The following CHD8 variants were observed in gnomAD, a reference collection of about 807,000 sequenced individuals.
CHD8 encodes the protein ATP-dependent chromatin remodeler CHD8.
CHD8 carries 31 observed loss-of-function variants against 279.2 expected under a neutral mutation model. That is an observed-to-expected ratio of 0.11 (90% CI 0.08 to 0.15). CHD8 has a LOEUF of 0.15. Among genes scored for constraint, CHD8 ranks in the 10% least tolerant of loss-of-function variants. The pLI is 1.00. For missense variants in CHD8, 2,146 were observed against 3,230.5 expected (o/e 0.66, Z 8.14); for synonymous variants, 1,081 against 1,139.6 (o/e 0.95, Z 1.04).
At chr14:21,425,860 C>T (rs1403675537) in intron 5 of CHD8, 6 of 345,820 alleles carry the variant, frequency 1.7e-5, no homozygotes, top group East Asian at 9.8e-5. Context: ...CGTTTGAAAC[C>T]GGGAGGCAGA....
Position 21,385,484 on chromosome 14 carries a change from TTC to T in CHD8, c.*127_*128del. ...CAATCAGGTACATTTTTTTTTTTTT[TTC>T]CTTTTCACCTCCTGGAGTCCTGGAC... is the stretch of plus-strand genomic sequence containing the variant. On this transcript the variant is annotated 3_prime_UTR_variant, in exon 38 of 38. Coordinates refer to ENST00000646647, the MANE Select transcript of CHD8 (RefSeq NM_001170629.2). 11 of 1,385,960 alleles carry T rather than the reference TTC, an allele frequency of 7.9e-6. No individual in the cohort carries two copies. The highest frequency in any genetic ancestry group is 2.9e-5 in the Admixed American group (1 of 34,096). 85.9% of individuals were successfully genotyped at this position (1,385,960 alleles called of 1,614,324 possible).
intron 1 of CHD8, among the ~76,000 whole-genome samples, chr14:21,448,126 A>T (rs1890171405): frequency 6.6e-6 from 1 of 152,224 alleles, no homozygotes; most frequent in African/African-American, 2.4e-5. Context: ...CTTAATAACC[A>T]GAGGCTATAC....
intron 1 of CHD8, among the ~76,000 whole-genome samples, chr14:21,453,177 G>A (rs1890300561): frequency 6.6e-6 from 1 of 151,488 alleles, no homozygotes; most frequent in Non-Finnish European, 1.5e-5. Context: ...TCATTTGGGT[G>A]CTAGGTACCA....
intron 1 of CHD8, among the ~76,000 whole-genome samples, chr14:21,444,260 A>G (rs909192650): frequency 6.6e-6 from 1 of 152,216 alleles, no homozygotes; most frequent in African/African-American, 2.4e-5. Context: ...ATGTTGTTGG[A>G]TAAATTGGAA....
At position 21,428,827 on chromosome 14, in the gene CHD8, G is replaced by C. The variant is rs560144666; in HGVS notation, c.1215+137C>G. On this transcript the variant is annotated intron_variant, in intron 3 of 37. Transcript: ENST00000646647. ...TAAAATAAGGTTTCCATGAATGAAA[G>C]AATTAAGTCTGCACCTCAGTTCAGA... 9 of 700,706 alleles carry C rather than the reference G, an allele frequency of 1.3e-5. 1 individual carries two copies. The highest frequency in any genetic ancestry group is 1.1e-4 in the African/African-American group (6 of 55,538). 43.4% of individuals were successfully genotyped at this position (700,706 alleles called of 1,614,324 possible).
intron 10 of CHD8, among the ~76,000 whole-genome samples, chr14:21,410,491 G>A (rs561018625): frequency 6.6e-6 from 1 of 152,198 alleles, no homozygotes; most frequent in East Asian, 1.9e-4. Flanking sequence ...GTGAGCCCCA[G>A]GAAGCTAGGA....
intron 11 of CHD8, 149 bp downstream of exon 11, chr14:21,409,702 G>A (rs952589907): frequency 1.3e-5 from 8 of 617,804 alleles, no homozygotes; most frequent in Middle Eastern, 4.5e-4. Flanking sequence ...TAATTGTTAC[G>A]TGGGTGATGG....
intron 1 of CHD8, among the ~76,000 whole-genome samples, chr14:21,443,061 T>TA (rs1890023127): frequency 6.6e-6 from 1 of 152,162 alleles, no homozygotes; most frequent in Non-Finnish European, 1.5e-5. Flanking sequence ...AAATAACTAA[T>TA]TTTTTAAGAA....
intron 5 of CHD8, among the ~76,000 whole-genome samples, chr14:21,418,938 G>T (rs938112808): frequency 1.3e-5 from 2 of 152,252 alleles, no homozygotes; most frequent in African/African-American, 2.4e-5. Flanking sequence ...GACTACAAGG[G>T]AGTACAGGGG....
At chr14:21,437,166 C>A in intron 1 of CHD8, 1 of 1,118,944 alleles carries the variant, frequency 8.9e-7, no homozygotes, top group South Asian at 1.5e-5. Flanking sequence ...CTGTGCCTCA[C>A]CCCAGTGGAG....
rs1555313109 is a variant in CHD8, at chr14:21,392,972, T to TG, written c.6468+133dup. The TG allele has an allele frequency of 1.6e-3, 1,412 of 867,494 alleles. 8 individuals carry two copies. In the African/African-American group the frequency reaches 0.037, roughly 22 times the overall value. The allele number at this position is 867,494 out of a possible 1,614,324, so 53.7% of individuals were successfully genotyped here. A position where few individuals can be genotyped will look rare whatever the true frequency, so the allele number is the denominator to read the frequency against. Reference sequence around the variant, plus strand: ...TTCCTAAGTCAACTGGGAAGTTTCCTGGAAAAAAAAAAAAAAACTTGCAGC... The same window carrying TG: ...TTCCTAAGTCAACTGGGAAGTTTCCTGGGAAAAAAAAAAAAAAACTTGCAGC... On this transcript the variant is annotated intron_variant, in intron 33 of 37. Coordinates refer to ENST00000646647, the MANE Select transcript of CHD8 (RefSeq NM_001170629.2).
chr14:21,391,306 C>T (rs1470559802), intron 36 of CHD8, among the ~76,000 whole-genome samples, 157 bp downstream of exon 36: 1 of 152,196 alleles, frequency 6.6e-6, no homozygotes, highest in African/African-American at 2.4e-5. Context: ...TTGGGCATCA[C>T]AACAATTGTG....
chr14:21,452,681 C>G (rs1890285035), intron 1 of CHD8, among the ~76,000 whole-genome samples: 2 of 151,690 alleles, frequency 1.3e-5, no homozygotes, highest in African/African-American at 4.8e-5. Context: ...ACAACAATCC[C>G]ATTACATAGA....
At position 21,394,970 on chromosome 14, in the gene CHD8, G is replaced by C. The variant is rs199830410; in HGVS notation, c.5332C>G (p.Arg1778Gly). 1 of 1,613,980 alleles carries C rather than the reference G, an allele frequency of 6.2e-7. No homozygotes were observed. The highest frequency in any genetic ancestry group is 2.2e-5 in the East Asian group (1 of 44,884). ...AGCTTGAAGGCTGCTTCACAACGCCGCCTTCGCCGGTCCCCACGTTCTGCA... is the reference window on the plus strand; with the variant it reads ...AGCTTGAAGGCTGCTTCACAACGCCCCCTTCGCCGGTCCCCACGTTCTGCA... Reference protein sequence around the residue: ...EAAERGDRRRRRCEAAFKLKE... With the variant: ...EAAERGDRRRGRCEAAFKLKE... The change falls in exon 30 of 38, where the codon CGG (arginine) becomes GGG (glycine). Residue 1778 changes from arginine to glycine, a missense_variant. Arg to Gly is a moderately radical substitution (Grantham distance 125). Transcript: ENST00000646647.
chr14:21,404,398 T>TAAAAAAA (rs974957250), intron 16 of CHD8, among the ~76,000 whole-genome samples: 1 of 98,672 alleles, frequency 1.0e-5, no homozygotes, highest in Non-Finnish European at 2.1e-5. Flanking sequence ...AACTCCATCT[T>TAAAAAAA]AAAAAAAAAA....
At chr14:21,420,903 C>A (rs897216571) in intron 5 of CHD8, among the ~76,000 whole-genome samples, 2 of 152,106 alleles carry the variant, frequency 1.3e-5, no homozygotes, top group Admixed American at 6.6e-5. Context: ...GCTGGGATTA[C>A]AAGCGTGCAC....
chr14:21,437,886 C>T (rs1030385020), intron 1 of CHD8, among the ~76,000 whole-genome samples: 3 of 152,072 alleles, frequency 2.0e-5, no homozygotes, highest in Non-Finnish European at 4.4e-5. Context: ...CCGCTCAAAA[C>T]AAACACTCCT....
chr14:21,452,539 G>A (rs1270693011), intron 1 of CHD8, among the ~76,000 whole-genome samples: 3 of 151,800 alleles, frequency 2.0e-5, no homozygotes, highest in African/African-American at 4.8e-5. Context: ...AGCTACTTGG[G>A]AAGCTAAAGC....
At chr14:21,409,162 C>T (rs1048617400) in intron 11 of CHD8, among the ~76,000 whole-genome samples, 11 of 152,248 alleles carry the variant, frequency 7.2e-5, no homozygotes, top group East Asian at 5.8e-4. Flanking sequence ...CAAAAAAACA[C>T]GGCTAGTGGC....
Sources: gnomAD v4.1 joint callset for allele counts (sites outside exome capture counted in the v4.1 genomes callset) on GRCh38, gnomAD v4.1.1 for gene constraint, MANE v1.5 for transcripts, NCBI Gene and HGNC (gene_info 2026-07-23, HGNC 2026-07-21) for gene names.